Variants in TNIP3 observed in about 807,000 individuals in gnomAD.
TNIP3 encodes TNFAIP3-interacting protein 3.
Under a neutral mutation model 54.1 loss-of-function variants are expected in TNIP3, and 34 were observed. That is an observed-to-expected ratio of 0.63 (90% CI 0.48 to 0.84). TNIP3 has a LOEUF of 0.84. TNIP3 is among the 40% of genes least tolerant of loss of function. The probability of loss-of-function intolerance (pLI) is 0.00; values close to 1 mark genes in which losing one functional copy is unlikely to be tolerated. For missense variants in TNIP3, 366 were observed against 387.6 expected, an observed-to-expected ratio of 0.94 and a Z score of 0.47; for synonymous variants, 134 against 136.8, an observed-to-expected ratio of 0.98 and a Z score of 0.14.
At chr4:121,222,874 T>C (rs1422553043) in intron 1 of TNIP3, among the ~76,000 whole-genome samples, 10 of 147,198 alleles carry the variant, frequency 6.8e-5, no homozygotes, top group East Asian at 2.1e-4. Flanking sequence ...GGCGCGATCT[T>C]GGCTCACTGC....
At chr4:121,175,753 G>T (rs1378647616) in intron 3 of TNIP3, among the ~76,000 whole-genome samples, 1 of 152,182 alleles carries the variant, frequency 6.6e-6, no homozygotes, top group African/African-American at 2.4e-5. Context: ...CACCACTTCT[G>T]TCCTGTGTAG....
At chr4:121,167,830 G>A (rs1280642032), upstream of TNIP3, among the ~76,000 whole-genome samples, 1 of 151,972 alleles carries the variant, frequency 6.6e-6, no homozygotes, top group Non-Finnish European at 1.5e-5. Context: ...AGTTCACCAG[G>A]GGCACTAGGA....
intron 3 of TNIP3, 165 bp from the exon 4 acceptor site, chr4:121,157,408 G>T (rs1730184781): frequency 4.9e-6 from 4 of 816,094 alleles, no homozygotes; most frequent in Non-Finnish European, 3.9e-6. Context: ...GGATACTCGC[G>T]TTTCAAAGGG....
chr4:121,166,859 GAA>G (rs1417249655), upstream of TNIP3, among the ~76,000 whole-genome samples: 4 of 152,152 alleles, frequency 2.6e-5, no homozygotes, highest in Non-Finnish European at 1.5e-5. Flanking sequence ...ATGTAGGTAG[GAA>G]AGAGAGGATT....
intron 2 of TNIP3, among the ~76,000 whole-genome samples, chr4:121,210,427 T>C (rs527453066): frequency 6.6e-6 from 1 of 152,300 alleles, no homozygotes; most frequent in South Asian, 2.1e-4. Context: ...TAATAGCTGC[T>C]TAAGCCAAAC....
intron 2 of TNIP3, among the ~76,000 whole-genome samples, chr4:121,190,546 T>G (rs759774016): frequency 6.6e-6 from 1 of 152,180 alleles, no homozygotes; most frequent in African/African-American, 2.4e-5. Flanking sequence ...CAGTAAATCC[T>G]ATTCTGGGAA....
At chr4:121,197,820 G>C (rs184092626) in intron 2 of TNIP3, among the ~76,000 whole-genome samples, 1 of 152,114 alleles carries the variant, frequency 6.6e-6, no homozygotes, top group African/African-American at 2.4e-5. Context: ...TTAATAAGGA[G>C]AGCCGTATAA....
intron 2 of TNIP3, among the ~76,000 whole-genome samples, chr4:121,196,855 AT>A (rs1428785579): frequency 6.6e-6 from 1 of 152,068 alleles, no homozygotes; most frequent in Non-Finnish European, 1.5e-5. Flanking sequence ...TATTTTTAAA[AT>A]TGAGATTAGA....
chr4:121,215,794 T>C (rs1726756884), intron 2 of TNIP3, among the ~76,000 whole-genome samples: 1 of 151,722 alleles, frequency 6.6e-6, no homozygotes, highest in Non-Finnish European at 1.5e-5. Context: ...ACTTCTAAAC[T>C]TCAAGCAGCT....
At chr4:121,196,266 C>G (rs1725575862) in intron 2 of TNIP3, among the ~76,000 whole-genome samples, 1 of 152,128 alleles carries the variant, frequency 6.6e-6, no homozygotes, top group Non-Finnish European at 1.5e-5. Context: ...AAAACTAATA[C>G]TGTGATAAAA....
chr4:121,139,887 T>C (rs1729012217), intron 9 of TNIP3, among the ~76,000 whole-genome samples: 1 of 152,226 alleles, frequency 6.6e-6, no homozygotes, highest in African/African-American at 2.4e-5. Flanking sequence ...AAGGTAAATA[T>C]CCTGTAATGT....
intron 3 of TNIP3, among the ~76,000 whole-genome samples, chr4:121,171,117 G>A (rs1432920230): frequency 5.3e-5 from 8 of 152,154 alleles, no homozygotes; most frequent in Non-Finnish European, 1.2e-4. Context: ...TGCCTTGCCA[G>A]TAAGGGATAT....
chr4:121,135,595 C>T (rs113091011), intron 10 of TNIP3, among the ~76,000 whole-genome samples: 10,249 of 152,078 alleles, frequency 0.067, 443 homozygotes, highest in South Asian at 0.22. Flanking sequence ...GACAGGGTTT[C>T]ACCATGTTGC....
At chr4:121,207,053 T>C (rs1447696579) in intron 2 of TNIP3, among the ~76,000 whole-genome samples, 3 of 152,154 alleles carry the variant, frequency 2.0e-5, no homozygotes, top group Non-Finnish European at 2.9e-5. Context: ...AATGTTTTCA[T>C]TGGAAAAAAA....
At chr4:121,151,580 T>C (rs1012576068) in intron 5 of TNIP3, among the ~76,000 whole-genome samples, 3 of 152,138 alleles carry the variant, frequency 2.0e-5, no homozygotes, top group African/African-American at 7.2e-5. Flanking sequence ...CTAGGAAGTG[T>C]CAGAATAGTT....
chr4:121,132,603 T>C lies in TNIP3; in HGVS notation c.*28A>G, dbSNP rs1728537286. ...TCCTCAGCCACGCTCCCTCGTTGCCTGTTGTCTCTCTCTGTTAGTGTGTAC... is the reference window on the plus strand; with the variant it reads ...TCCTCAGCCACGCTCCCTCGTTGCCCGTTGTCTCTCTCTGTTAGTGTGTAC... On this transcript the variant is annotated 3_prime_UTR_variant, in exon 11 of 11. Coordinates refer to ENST00000057513, the MANE Select transcript of TNIP3 (RefSeq NM_024873.6). 1 of 1,610,958 alleles carries C rather than the reference T, an allele frequency of 6.2e-7. No homozygotes were observed. The highest frequency in any genetic ancestry group is 8.5e-7 in the Non-Finnish European group (1 of 1,177,350).
At chr4:121,154,457 C>T (rs1375796607) in intron 5 of TNIP3, 94 bp downstream of exon 5, 1 of 1,486,790 alleles carries the variant, frequency 6.7e-7, no homozygotes, top group African/African-American at 1.4e-5. Context: ...GGCTGGGACC[C>T]ACACTGCAGC....
At chr4:121,199,609 C>T (rs1227551933) in intron 2 of TNIP3, among the ~76,000 whole-genome samples, 1 of 152,140 alleles carries the variant, frequency 6.6e-6, no homozygotes, top group Non-Finnish European at 1.5e-5. Flanking sequence ...TCTTTATCTC[C>T]CACATTCCTC....
At chr4:121,200,171 C>A (rs541632949) in intron 2 of TNIP3, among the ~76,000 whole-genome samples, 2 of 152,106 alleles carry the variant, frequency 1.3e-5, no homozygotes, top group Non-Finnish European at 2.9e-5. Flanking sequence ...GCTAAGGGAG[C>A]TTCCTCTTGC....
Sources: gnomAD v4.1 joint callset for allele counts (sites outside exome capture counted in the v4.1 genomes callset) on GRCh38, gnomAD v4.1.1 for gene constraint, MANE v1.5 for transcripts, NCBI Gene and HGNC (gene_info 2026-07-23, HGNC 2026-07-21) for gene names.